The following KCMF1 variants were observed in gnomAD, a reference collection of about 807,000 sequenced individuals.
The protein encoded by KCMF1 is potassium channel modulatory factor 1.
A neutral mutation model predicts 41.1 loss-of-function variants in KCMF1; 3 were observed. That is an observed-to-expected ratio of 0.07 (90% confidence interval 0.03 to 0.19). The LOEUF (loss-of-function observed/expected upper bound fraction) is 0.19. Among genes scored for constraint, KCMF1 ranks in the 10% least tolerant of loss-of-function variants. KCMF1 has a pLI of 1.00. For missense variants in KCMF1, 286 were observed against 488.9 expected, an observed-to-expected ratio of 0.58 and a Z score of 3.91; for synonymous variants, 142 against 164.5, an observed-to-expected ratio of 0.86 and a Z score of 1.04.
chr2:85,014,747 G>T (rs540896299), intron 1 of KCMF1, among the ~76,000 whole-genome samples: 77 of 148,832 alleles, frequency 5.2e-4, no homozygotes, highest in African/African-American at 1.7e-3. Context: ...GTGTGTGTGT[G>T]TTTTTAAATA....
chr2:85,052,572 G>A (rs954407576), intron 6 of KCMF1, among the ~76,000 whole-genome samples: 5 of 152,214 alleles, frequency 3.3e-5, no homozygotes, highest in Admixed American at 6.5e-5. Context: ...CAGGCAGGTA[G>A]ACCTTGTGTC....
At chr2:85,003,715 G>A (rs1470336514) in intron 1 of KCMF1, among the ~76,000 whole-genome samples, 1 of 151,996 alleles carries the variant, frequency 6.6e-6, no homozygotes, top group Non-Finnish European at 1.5e-5. Flanking sequence ...AGGATTACAG[G>A]CGTGAGCTAC....
chr2:84,989,610 TA>T (rs1215412903), intron 1 of KCMF1, among the ~76,000 whole-genome samples: 1 of 152,032 alleles, frequency 6.6e-6, no homozygotes, highest in Non-Finnish European at 1.5e-5. Context: ...TAGAGGTGAG[TA>T]AGAGTCATAT....
intron 1 of KCMF1, among the ~76,000 whole-genome samples, chr2:84,991,721 GACCT>G (rs1249316606): frequency 6.6e-6 from 1 of 152,074 alleles, no homozygotes; most frequent in Non-Finnish European, 1.5e-5. Flanking sequence ...TAGAATAATA[GACCT>G]TTTGGTCCAG....
intron 1 of KCMF1, among the ~76,000 whole-genome samples, chr2:84,988,603 TA>T (rs1673961027): frequency 6.6e-6 from 1 of 152,204 alleles, no homozygotes; most frequent in Non-Finnish European, 1.5e-5. Flanking sequence ...GACCTCAGTT[TA>T]AAGGCTTAAA....
intron 1 of KCMF1, among the ~76,000 whole-genome samples, chr2:84,993,272 T>C (rs1674091649): frequency 1.3e-5 from 2 of 151,656 alleles, no homozygotes; most frequent in South Asian, 4.2e-4. Context: ...TTAGGGAGTA[T>C]CAGACAAGAC....
intron 1 of KCMF1, among the ~76,000 whole-genome samples, chr2:84,973,171 C>T (rs975839526): frequency 6.6e-6 from 1 of 152,202 alleles, no homozygotes; most frequent in Non-Finnish European, 1.5e-5. Context: ...TAGAGAATCA[C>T]AGCCATGGAA....
intron 2 of KCMF1, among the ~76,000 whole-genome samples, chr2:85,031,581 C>T (rs750289555): frequency 5.3e-5 from 8 of 152,112 alleles, no homozygotes; most frequent in African/African-American, 1.4e-4. Context: ...GTTCTGAGCA[C>T]GTTTAATGTA....
chr2:84,975,839 C>G (rs868736812), intron 1 of KCMF1, among the ~76,000 whole-genome samples: 1 of 152,168 alleles, frequency 6.6e-6, no homozygotes, highest in African/African-American at 2.4e-5. Flanking sequence ...ACAAATTGCT[C>G]GCTGCTTATT....
intron 1 of KCMF1, among the ~76,000 whole-genome samples, chr2:84,975,923 C>T (rs1320336069): frequency 2.6e-5 from 4 of 152,156 alleles, no homozygotes; most frequent in Admixed American, 6.6e-5. Context: ...GTACATGTGT[C>T]GCCTTAAATC....
At chr2:85,028,204 C>T (rs1005768082) in intron 2 of KCMF1, 148 bp downstream of exon 2, 36 of 586,260 alleles carry the variant, frequency 6.1e-5, no homozygotes, top group Non-Finnish European at 8.7e-5. Context: ...TTTTTTGAGA[C>T]GGAGTTTCGC....
intron 6 of KCMF1, among the ~76,000 whole-genome samples, chr2:85,052,153 A>T (rs1464312996): frequency 1.3e-5 from 2 of 152,090 alleles, no homozygotes; most frequent in Non-Finnish European, 2.9e-5. Flanking sequence ...CACTGCAACC[A>T]CCGCCTCCCA....
At chr2:85,025,600 C>A (rs1006702138) in intron 1 of KCMF1, among the ~76,000 whole-genome samples, 8 of 152,078 alleles carry the variant, frequency 5.3e-5, no homozygotes, top group African/African-American at 1.9e-4. Context: ...TCGATGGAAT[C>A]ACAAATGACA....
chr2:85,018,290 G>A (rs905506686), intron 1 of KCMF1, among the ~76,000 whole-genome samples: 1 of 34,258 alleles, frequency 2.9e-5, no homozygotes, highest in African/African-American at 1.1e-4. Flanking sequence ...TTTTTTTTTT[G>A]AGACGGAGTC....
At chr2:85,001,992 TA>T (rs1271923871) in intron 1 of KCMF1, among the ~76,000 whole-genome samples, 1 of 152,096 alleles carries the variant, frequency 6.6e-6, no homozygotes, top group African/African-American at 2.4e-5. Context: ...TACCTAAACA[TA>T]AAAAAGGTAT....
intron 1 of KCMF1, among the ~76,000 whole-genome samples, chr2:85,005,497 C>T (rs1674446843): frequency 1.3e-5 from 2 of 151,432 alleles, no homozygotes; most frequent in East Asian, 2.0e-4. Flanking sequence ...ACCGTGTTAG[C>T]CAGGATGGTC....
intron 5 of KCMF1, among the ~76,000 whole-genome samples, chr2:85,049,149 G>C (rs1343300398): frequency 6.6e-6 from 1 of 152,174 alleles, no homozygotes; most frequent in African/African-American, 2.4e-5. Flanking sequence ...ACATAATTCA[G>C]TCTGGGTTAA....
intron 1 of KCMF1, among the ~76,000 whole-genome samples, chr2:85,006,951 A>G (rs1362543547): frequency 2.0e-5 from 3 of 151,794 alleles, no homozygotes; most frequent in African/African-American, 4.8e-5. Context: ...TCCACTAAAA[A>G]TACAAAATTA....
intron 1 of KCMF1, among the ~76,000 whole-genome samples, chr2:84,984,104 G>C (rs1169973305): frequency 6.6e-6 from 1 of 152,160 alleles, no homozygotes; most frequent in Non-Finnish European, 1.5e-5. Flanking sequence ...ACTCTGGCTG[G>C]CCATGGTGGC....
Sources: gnomAD v4.1 joint callset for allele counts (sites outside exome capture counted in the v4.1 genomes callset) on GRCh38, gnomAD v4.1.1 for gene constraint, MANE v1.5 for transcripts, NCBI Gene and HGNC (gene_info 2026-07-23, HGNC 2026-07-21) for gene names.